Variants in PCDHA10 observed in about 807,000 individuals in gnomAD.
PCDHA10 encodes protocadherin alpha-10.
In PCDHA10, 45 loss-of-function variants were observed where a neutral mutation model predicts 61.2. The ratio of observed to expected loss-of-function variants is 0.74; its 90% CI spans 0.58 to 0.94. The LOEUF (loss-of-function observed/expected upper bound fraction) is 0.94, where lower values mean the gene tolerates loss of function less well. PCDHA10 is among the 40% of genes least tolerant of loss of function. The probability of loss-of-function intolerance (pLI) is 0.00; values close to 1 mark genes in which losing one functional copy is unlikely to be tolerated. For missense variants in PCDHA10, 1,278 were observed against 1,236.2 expected, an observed-to-expected ratio of 1.03 and a Z score of -0.51; for synonymous variants, 602 against 548.8, an observed-to-expected ratio of 1.10 and a Z score of -1.35.
chr5:140,923,247 T>G (rs1230824523), intron 1 of PCDHA10, among the ~76,000 whole-genome samples: 6 of 152,252 alleles, frequency 3.9e-5, no homozygotes, highest in African/African-American at 1.4e-4. Flanking sequence ...TGAGACCAGC[T>G]GGGCAACATA....
intron 1 of PCDHA10, chr5:140,927,988 G>A (rs782075633): frequency 6.2e-6 from 10 of 1,614,200 alleles, no homozygotes; most frequent in South Asian, 1.1e-5. Flanking sequence ...TAGTGTAAAG[G>A]ATGAAGACCT....
rs1340886726 is a variant in PCDHA10, at chr5:140,874,290, G to A, written c.2388+15854G>A. Among the ~76,000 whole-genome samples, 3 of 152,146 alleles carry A rather than the reference G, an allele frequency of 2.0e-5. No homozygotes were observed. The East Asian group carries it at 5.8e-4, about 29-fold the overall frequency. On this transcript the variant is annotated intron_variant, in intron 1 of 3. Transcript: ENST00000307360. ...GTATTAATAGACTTACAAAATCTAT[G>A]TGTACTTGTTCACAATGAGTTGTAG...
chr5:140,933,629 C>G (rs958764636), intron 1 of PCDHA10, among the ~76,000 whole-genome samples: 1 of 151,846 alleles, frequency 6.6e-6, no homozygotes, highest in Non-Finnish European at 1.5e-5. Context: ...TTAGGCTGGC[C>G]CTGTTAAACA....
At chr5:140,882,891 A>G (rs782750187) in intron 1 of PCDHA10, 3 of 1,614,230 alleles carry the variant, frequency 1.9e-6, no homozygotes, top group Admixed American at 1.7e-5. Context: ...ATTCAGGAAC[A>G]TAGTTTATTA....
intron 1 of PCDHA10, among the ~76,000 whole-genome samples, chr5:140,942,620 A>T (rs1304224304): frequency 1.4e-4 from 4 of 28,710 alleles, no homozygotes; most frequent in Admixed American, 3.3e-4. Context: ...TGCCAATTGT[A>T]AAAAAAAAAA....
chr5:140,941,281 C>A (rs12652617), intron 1 of PCDHA10, among the ~76,000 whole-genome samples: 1 of 69,002 alleles, frequency 1.4e-5, no homozygotes, highest in Non-Finnish European at 3.2e-5. Context: ...TTCCTTCCTT[C>A]CTTTCTCTTT....
At chr5:140,876,614 C>G in intron 1 of PCDHA10, 1 of 1,614,130 alleles carries the variant, frequency 6.2e-7, no homozygotes, top group Non-Finnish European at 8.5e-7. Flanking sequence ...GACTCTGGAG[C>G]CAATGGACAG....
intron 1 of PCDHA10, chr5:140,968,409 C>G: frequency 3.7e-6 from 6 of 1,614,024 alleles, no homozygotes; most frequent in South Asian, 1.1e-5. Context: ...TTCTTTGTGA[C>G]TGTGGAGGCT....
chr5:140,992,070 GA>G (rs1554252639), intron 3 of PCDHA10, among the ~76,000 whole-genome samples: 1 of 151,052 alleles, frequency 6.6e-6, no homozygotes, highest in Non-Finnish European at 1.5e-5. Context: ...AATTTCAGTA[GA>G]GAATGAGCTA....
chr5:140,946,806 T>A (rs965284033), intron 1 of PCDHA10, among the ~76,000 whole-genome samples: 20 of 151,184 alleles, frequency 1.3e-4, no homozygotes, highest in African/African-American at 4.6e-4. Context: ...GCAGAGAGTA[T>A]AACAGTGATT....
At chr5:140,940,987 T>A (rs1239979893) in intron 1 of PCDHA10, among the ~76,000 whole-genome samples, 2 of 152,190 alleles carry the variant, frequency 1.3e-5, no homozygotes, top group African/African-American at 4.8e-5. Flanking sequence ...TAGTTACAAG[T>A]TTATAGGATT....
chr5:140,927,362 G>A, intron 1 of PCDHA10: 1 of 1,614,030 alleles, frequency 6.2e-7, no homozygotes, highest in Non-Finnish European at 8.5e-7. Context: ...GGAAGCAATG[G>A]GATACTAAGC....
intron 1 of PCDHA10, chr5:140,860,741 A>G (rs1051390184): frequency 2.0e-5 from 3 of 152,018 alleles, no homozygotes; most frequent in Non-Finnish European, 2.9e-5. Context: ...TTTGTTTTTT[A>G]TTTTTTATTT....
intron 1 of PCDHA10, chr5:140,870,676 G>C (rs561705674): frequency 1.9e-6 from 3 of 1,612,584 alleles, no homozygotes; most frequent in Non-Finnish European, 2.5e-6. Flanking sequence ...GTTGGACCAC[G>C]AGGAGCTGGA....
intron 3 of PCDHA10, among the ~76,000 whole-genome samples, chr5:140,996,553 A>C (rs868960335): frequency 1.3e-5 from 2 of 152,172 alleles, no homozygotes; most frequent in African/African-American, 2.4e-5. Flanking sequence ...TGCTGTCACT[A>C]TCTTGAAGTT....
chr5:140,965,496 A>ATT lies in PCDHA10; in HGVS notation c.2389-13439_2389-13438dup, dbSNP rs71766133. On this transcript the variant is annotated intron_variant, in intron 1 of 3. Coordinates refer to ENST00000307360, the MANE Select transcript of PCDHA10 (RefSeq NM_018901.4). Reference sequence around the variant, plus strand: ...CCCACATTTTGCTTAATGACAGCAGATTTTTTTTTTTTTTTAACTGCAAAG... The same window carrying ATT: ...CCCACATTTTGCTTAATGACAGCAGATTTTTTTTTTTTTTTTTAACTGCAAAG... Among the ~76,000 whole-genome samples the ATT allele has an allele frequency of 3.3e-3, 482 of 146,482 alleles. 3 individuals are homozygous for ATT. The highest frequency in any genetic ancestry group is 0.011 in the African/African-American group (455 of 40,032).
At chr5:140,938,535 T>C (rs1213072173) in intron 1 of PCDHA10, among the ~76,000 whole-genome samples, 2 of 140,516 alleles carry the variant, frequency 1.4e-5, no homozygotes, top group African/African-American at 2.6e-5. Flanking sequence ...ATGGATAATA[T>C]GGATTTTTAT....
At chr5:140,947,299 C>T (rs547529076) in intron 1 of PCDHA10, among the ~76,000 whole-genome samples, 1 of 151,554 alleles carries the variant, frequency 6.6e-6, no homozygotes, top group South Asian at 2.1e-4. Context: ...ATTATCTTGA[C>T]ATCTTTGTAA....
intron 1 of PCDHA10, among the ~76,000 whole-genome samples, chr5:140,894,258 G>T (rs2153446538): frequency 6.6e-6 from 1 of 151,918 alleles, no homozygotes; most frequent in South Asian, 2.1e-4. Flanking sequence ...TTCTTTACAA[G>T]TGGTAGCTTA....
Sources: allele counts gnomAD v4.1 joint callset (sites outside exome capture counted in the v4.1 genomes callset), GRCh38; gene constraint gnomAD v4.1.1; transcripts MANE v1.5; gene names NCBI Gene and HGNC (gene_info 2026-07-23, HGNC 2026-07-21).